Variants in TOR1A observed in about 807,000 individuals in gnomAD.
TOR1A encodes torsin-1A.
A neutral mutation model predicts 31.4 loss-of-function variants in TOR1A; 18 were observed. The observed-to-expected ratio is 0.57, with a 90% confidence interval of 0.40 to 0.85. TOR1A has a LOEUF of 0.85. TOR1A is among the 40% of genes least tolerant of loss of function. The pLI, the probability that TOR1A is intolerant of heterozygous loss-of-function variation, is 0.00. For missense variants in TOR1A, 375 were observed against 416.4 expected (o/e 0.90, Z 0.87); for synonymous variants, 168 against 165.9 (o/e 1.01, Z -0.10).
intron 4 of TOR1A, among the ~76,000 whole-genome samples, chr9:129,818,026 G>A (rs534505448): frequency 9.9e-5 from 15 of 151,308 alleles, no homozygotes; most frequent in South Asian, 8.4e-4. Flanking sequence ...CAAAAAATAA[G>A]CTGAGCACAG....
In TOR1A at chr9:129,818,521, G is replaced by T. The variant is rs1429469284; in HGVS notation, c.747C>A (p.Asn249Lys). 1 of 1,614,084 alleles carries T rather than the reference G, an allele frequency of 6.2e-7. No homozygotes were observed. Among genetic ancestry groups the T allele is most frequent in the Non-Finnish European group, 8.5e-7 (1 of 1,180,048 alleles). The change falls in exon 4 of 5, where the codon AAC becomes AAA. Residue 249 changes from asparagine (N) to lysine (K), a missense_variant and splice_region_variant. Asn to Lys is a moderately conservative substitution (Grantham distance 94). Coordinates refer to ENST00000351698, the MANE Select transcript of TOR1A (RefSeq NM_000113.3). ...ALSVSVFNNK[N>K]SGFWHSSLID... ...CTGGCGGTGGATGGCCCTACTCACT[G>T]TTCTTGTTATTGAAAACCGACACAG... is the stretch of plus-strand genomic sequence containing the variant.
chr9:129,815,420 C>T (rs1056991722), intron 4 of TOR1A, among the ~76,000 whole-genome samples: 2 of 152,244 alleles, frequency 1.3e-5, no homozygotes, highest in Non-Finnish European at 2.9e-5. Flanking sequence ...TGAGGGCAGA[C>T]GGACCTCACG....
At position 129,813,990 on chromosome 9, in the gene TOR1A, A is replaced by C. The variant is rs2030964630; in HGVS notation, c.981T>G (p.Asp327Glu). 3 of 1,614,170 alleles carry C rather than the reference A, an allele frequency of 1.9e-6. No individual in the cohort carries two copies. The highest frequency in any genetic ancestry group is 2.2e-5 in the East Asian group (1 of 44,888). The part of the protein sequence containing the change: ...KGCKTVFTKL[D>E]YYYDD ...ATGACTGTCAATCATCGTAGTAATA[A>C]TCTAACTTGGTGAACACCGTTTTGC... The change falls in exon 5 of 5, where the codon GAT becomes GAG. Residue 327 changes from aspartate to glutamate, a missense_variant. Transcript: ENST00000351698.
rs1412503671 is a variant in TOR1A at position 129,813,799 on chromosome 9, C to T, written c.*173G>A. 6.0e-6 allele frequency: 6 copies of T among 1,005,388 alleles called. No individual in the cohort carries two copies. The highest frequency in any genetic ancestry group is 7.5e-6 in the Non-Finnish European group (5 of 669,714). The allele number at this position is 1,005,388 out of a possible 1,614,324, so 62.3% of individuals were successfully genotyped here. On this transcript the variant is annotated 3_prime_UTR_variant, in exon 5 of 5. Coordinates refer to ENST00000351698, the MANE Select transcript of TOR1A (RefSeq NM_000113.3). The stretch of plus-strand genomic sequence containing the variant: ...GTCCTCGCCCGTGGTCCCTGGGTGG[C>T]CTGCAGGCACCAGGGGGTGGAAACA...
chr9:129,819,005 C>T (rs2031115379), intron 2 of TOR1A, 85 bp from the exon 3 acceptor site: 6 of 1,462,268 alleles, frequency 4.1e-6, no homozygotes, highest in Non-Finnish European at 5.6e-6. Flanking sequence ...ACCGCAGCTT[C>T]ACTTACAGAC....
chr9:129,813,632 C>A lies in TOR1A; in HGVS notation c.*340G>T. ...TAAAAATCATTTTAAATAAAGTTAC[C>A]ACATTTTCAATAAAACTTATTCATC... On this transcript the variant is annotated 3_prime_UTR_variant, in exon 5 of 5. Transcript: ENST00000351698. 2 of 397,920 alleles carry A rather than the reference C, an allele frequency of 5.0e-6. No homozygotes were observed. The highest frequency in any genetic ancestry group is 4.7e-6 in the Non-Finnish European group (1 of 214,670). The allele number at this position is 397,920 out of a possible 1,614,324, so 24.6% of individuals were successfully genotyped here. A position where few individuals can be genotyped will look rare whatever the true frequency, so the allele number is the denominator to read the frequency against.
chr9:129,817,698 C>CAA (rs34520229), intron 4 of TOR1A, among the ~76,000 whole-genome samples: 9 of 94,556 alleles, frequency 9.5e-5, no homozygotes, highest in Non-Finnish European at 6.5e-5. Flanking sequence ...GACTCCATCT[C>CAA]AAAAAAAAAA....
chr9:129,816,200 C>A (rs553786418), intron 4 of TOR1A, among the ~76,000 whole-genome samples: 1 of 152,300 alleles, frequency 6.6e-6, no homozygotes, highest in South Asian at 2.1e-4. Flanking sequence ...ACGTGCTGTC[C>A]GCACTGGGGA....
chr9:129,822,937 C>G, intron 1 of TOR1A, 91 bp from the exon 2 acceptor site: 1 of 1,582,696 alleles, frequency 6.3e-7, no homozygotes, highest in Admixed American at 1.7e-5. Context: ...GCAAAGCCGT[C>G]TAGACGCCCT....
intron 1 of TOR1A, 67 bp from the exon 2 acceptor site, chr9:129,822,913 C>A: frequency 1.2e-6 from 2 of 1,611,420 alleles, no homozygotes; most frequent in Non-Finnish European, 1.7e-6. Flanking sequence ...CATTTACAGC[C>A]CATAAGAAAG....
In TOR1A at chr9:129,821,048, T is replaced by A. The variant is rs560121781; in HGVS notation, c.444+1533A>T. ...CAGGCATGGTGGCTCATACCTGTAATTTCAGCACTTTGGGAAGTAGAGACA... is the reference window on the plus strand; with the variant it reads ...CAGGCATGGTGGCTCATACCTGTAAATTCAGCACTTTGGGAAGTAGAGACA... On this transcript the variant is annotated intron_variant, in intron 2 of 4. Coordinates refer to ENST00000351698, the MANE Select transcript of TOR1A (RefSeq NM_000113.3). 8.5e-5 allele frequency among the ~76,000 whole-genome samples: 13 copies of A among 152,318 alleles called. No individual in the cohort carries two copies. In the South Asian group the frequency reaches 2.7e-3, roughly 32 times the overall value.
intron 4 of TOR1A, among the ~76,000 whole-genome samples, 176 bp from the exon 5 acceptor site, chr9:129,814,398 G>A (rs1351577862): frequency 2.5e-5 from 1 of 40,664 alleles, no homozygotes; most frequent in Admixed American, 3.2e-4. Context: ...ACATCTACTA[G>A]GGGTCACCCA....
At chr9:129,817,065 CT>C (rs2031058209) in intron 4 of TOR1A, among the ~76,000 whole-genome samples, 1 of 152,190 alleles carries the variant, frequency 6.6e-6, no homozygotes, top group African/African-American at 2.4e-5. Context: ...GGTCAAAGGT[CT>C]CATGACATTT....
chr9:129,823,178 C>T, intron 1 of TOR1A: 1 of 414,684 alleles, frequency 2.4e-6, no homozygotes, highest in Non-Finnish European at 4.5e-6. Flanking sequence ...AGTTTGGTCC[C>T]TCCTGGTCGG....
At position 129,824,116 on chromosome 9, in the gene TOR1A, G is replaced by T. The variant is rs367933546; in HGVS notation, c.-31C>A. ...GACCCGCGCCACCCTGCTTGTTCTC[G>T]CGCCGACCGCGAACCGGTGCAGCCG... is the stretch of plus-strand genomic sequence containing the variant. On this transcript the variant is annotated 5_prime_UTR_variant, in exon 1 of 5. Coordinates refer to ENST00000351698, the MANE Select transcript of TOR1A (RefSeq NM_000113.3). The T allele has an allele frequency of 5.8e-5, 89 of 1,541,738 alleles. 1 individual carries two copies. In the East Asian group the frequency reaches 9.2e-4, roughly 16 times the overall value.
chr9:129,821,085 T>C (rs1380602477), intron 2 of TOR1A, among the ~76,000 whole-genome samples: 1 of 152,202 alleles, frequency 6.6e-6, no homozygotes, highest in Non-Finnish European at 1.5e-5. Flanking sequence ...CTGGATGACC[T>C]TGAGGTCAGG....
intron 2 of TOR1A, among the ~76,000 whole-genome samples, chr9:129,820,431 C>T (rs2031156462): frequency 6.6e-6 from 1 of 152,096 alleles, no homozygotes; most frequent in Admixed American, 6.6e-5. Flanking sequence ...GTTCATAGAA[C>T]ATTTTACTGT....
intron 2 of TOR1A, among the ~76,000 whole-genome samples, chr9:129,819,253 G>A (rs2031122356): frequency 6.6e-6 from 1 of 152,180 alleles, no homozygotes; most frequent in Non-Finnish European, 1.5e-5. Flanking sequence ...CCACACGGAT[G>A]CTGTCAGAGA....
Position 129,813,946 on chromosome 9 carries a change from G to T in TOR1A, c.*26C>A. 2 of 1,612,994 alleles carry T rather than the reference G, an allele frequency of 1.2e-6. No homozygotes were observed. Among genetic ancestry groups the T allele is most frequent in the Non-Finnish European group, 8.5e-7 (1 of 1,180,032 alleles). On this transcript the variant is annotated 3_prime_UTR_variant, in exon 5 of 5. Coordinates refer to ENST00000351698, the MANE Select transcript of TOR1A (RefSeq NM_000113.3). ...GTTGTTTCTTTTCCAACTCCAGGCA[G>T]TGACTCCGGCTGCCAATCATGACTG...
Sources: gnomAD v4.1 joint callset for allele counts (sites outside exome capture counted in the v4.1 genomes callset) on GRCh38, gnomAD v4.1.1 for gene constraint, MANE v1.5 for transcripts, NCBI Gene and HGNC (gene_info 2026-07-23, HGNC 2026-07-21) for gene names.